OXR1: variants seen among roughly 807,000 people sequenced by gnomAD.
OXR1 encodes the protein oxidation resistance protein 1.
In OXR1, 41 loss-of-function variants were observed where a neutral mutation model predicts 104.6. That is an observed-to-expected ratio of 0.39 (90% CI 0.31 to 0.51). The LOEUF (loss-of-function observed/expected upper bound fraction) is 0.51, where lower values mean the gene tolerates loss of function less well. Among genes scored for constraint, OXR1 ranks in the 20% least tolerant of loss-of-function variants. The probability of loss-of-function intolerance (pLI) is 0.77; values close to 1 mark genes in which losing one functional copy is unlikely to be tolerated. For missense variants in OXR1, 955 were observed against 1,031.9 expected, an observed-to-expected ratio of 0.93 and a Z score of 1.02; for synonymous variants, 348 against 348.4, an observed-to-expected ratio of 1.00 and a Z score of 0.01.
intron 2 of OXR1, among the ~76,000 whole-genome samples, chr8:106,482,843 G>T (rs949741133): frequency 6.9e-6 from 1 of 145,962 alleles, no homozygotes; most frequent in East Asian, 2.0e-4. Flanking sequence ...ATGTCATGAT[G>T]TGTAAAAATT....
intron 3 of OXR1, among the ~76,000 whole-genome samples, chr8:106,636,763 G>A (rs1823176968): frequency 6.6e-6 from 1 of 152,156 alleles, no homozygotes; most frequent in Non-Finnish European, 1.5e-5. Flanking sequence ...GGATAGTGAA[G>A]GGAATTTTGG....
chr8:106,475,357 G>T (rs918305556), intron 2 of OXR1, among the ~76,000 whole-genome samples: 1 of 151,902 alleles, frequency 6.6e-6, no homozygotes, highest in African/African-American at 2.4e-5. Flanking sequence ...TATTTATTAA[G>T]TGGAAGTGGA....
chr8:106,687,038 G>A (rs1381749792), intron 6 of OXR1, among the ~76,000 whole-genome samples: 1 of 152,134 alleles, frequency 6.6e-6, no homozygotes, highest in Non-Finnish European at 1.5e-5. Context: ...GGGTTTCTGT[G>A]TTTGTCCCTC....
intron 2 of OXR1, among the ~76,000 whole-genome samples, chr8:106,483,489 A>G (rs2510822): frequency 0.11 from 16,362 of 151,920 alleles, 956 homozygotes; most frequent in African/African-American, 0.15. Context: ...TTGAGCCTAG[A>G]AGTTTGAGGC....
chr8:106,530,177 G>T (rs1238322876), intron 3 of OXR1, among the ~76,000 whole-genome samples: 2 of 152,180 alleles, frequency 1.3e-5, no homozygotes, highest in Non-Finnish European at 2.9e-5. Context: ...TTTTTTAGGA[G>T]TATGAATTTA....
intron 1 of OXR1, among the ~76,000 whole-genome samples, chr8:106,323,786 A>C (rs1814333972): frequency 6.6e-6 from 1 of 152,234 alleles, no homozygotes; most frequent in Non-Finnish European, 1.5e-5. Flanking sequence ...CCATTAGAGA[A>C]ATGCAAATCA....
chr8:106,348,651 A>G (rs1815598298), intron 1 of OXR1, among the ~76,000 whole-genome samples: 1 of 152,220 alleles, frequency 6.6e-6, no homozygotes, highest in East Asian at 1.9e-4. Flanking sequence ...TGGTTTTGAG[A>G]TATTGTACTT....
At chr8:106,339,170 A>G (rs569627028) in intron 1 of OXR1, among the ~76,000 whole-genome samples, 1 of 152,066 alleles carries the variant, frequency 6.6e-6, no homozygotes, top group South Asian at 2.1e-4. Flanking sequence ...TCATTCCCTA[A>G]TTGCATGTAT....
At chr8:106,574,372 C>T (rs1817680990) in intron 3 of OXR1, among the ~76,000 whole-genome samples, 1 of 152,142 alleles carries the variant, frequency 6.6e-6, no homozygotes. Flanking sequence ...CTCTCCCACT[C>T]CAACATCTGC....
chr8:106,310,765 G>A (rs1813667731), intron 1 of OXR1, among the ~76,000 whole-genome samples: 1 of 152,200 alleles, frequency 6.6e-6, no homozygotes, highest in South Asian at 2.1e-4. Context: ...ATTGAGAGGT[G>A]TGATGCTATT....
chr8:106,353,893 A>G (rs943265013), intron 1 of OXR1, among the ~76,000 whole-genome samples: 11 of 151,966 alleles, frequency 7.2e-5, no homozygotes, highest in African/African-American at 7.2e-5. Flanking sequence ...ACATCTTCCC[A>G]CTACCTCCAG....
intron 1 of OXR1, among the ~76,000 whole-genome samples, chr8:106,327,697 AG>A (rs984013160): frequency 3.3e-5 from 5 of 152,172 alleles, no homozygotes; most frequent in African/African-American, 4.8e-5. Context: ...TCTTTATAAA[AG>A]TTTCTTCTTA....
At chr8:106,714,497 G>GA (rs1289756245) in intron 11 of OXR1, among the ~76,000 whole-genome samples, 1 of 151,956 alleles carries the variant, frequency 6.6e-6, no homozygotes, top group East Asian at 1.9e-4. Context: ...TAATTTTAAG[G>GA]AAATAAGCAG....
intron 3 of OXR1, among the ~76,000 whole-genome samples, chr8:106,629,675 C>T (rs1001891588): frequency 6.6e-6 from 1 of 152,094 alleles, no homozygotes; most frequent in Non-Finnish European, 1.5e-5. Context: ...TTACATTATA[C>T]CTTTAAATAC....
chr8:106,341,654 A>G (rs1005491686), intron 1 of OXR1, among the ~76,000 whole-genome samples: 2 of 152,066 alleles, frequency 1.3e-5, no homozygotes, highest in Admixed American at 6.5e-5. Context: ...CTATTCTTCT[A>G]TCCACCTGAC....
chr8:106,342,071 T>G (rs1402257420), intron 1 of OXR1, among the ~76,000 whole-genome samples: 1 of 150,854 alleles, frequency 6.6e-6, no homozygotes, highest in Admixed American at 6.6e-5. Flanking sequence ...TTTTTTTTGT[T>G]GTAGAGATGG....
chr8:106,528,864 A>C lies in OXR1; in HGVS notation c.220+9725A>C, dbSNP rs374329541. ...ATTTAATCAACAGAACTATCTTGGC[A>C]TGCAGGTCACTGTCTATAAGCACAG... On this transcript the variant is annotated intron_variant, in intron 3 of 16. Coordinates refer to ENST00000517566, the MANE Select transcript of OXR1 (RefSeq NM_001198533.2). 3.3e-5 allele frequency among the ~76,000 whole-genome samples: 5 copies of C among 152,348 alleles called. No individual in the cohort carries two copies. In the East Asian group the frequency reaches 9.6e-4, roughly 29 times the overall value.
intron 3 of OXR1, among the ~76,000 whole-genome samples, chr8:106,527,970 C>T (rs1410600074): frequency 6.6e-6 from 1 of 152,094 alleles, no homozygotes; most frequent in South Asian, 2.1e-4. Flanking sequence ...GAGTGGTTCC[C>T]CAAGTGCTAG....
intron 1 of OXR1, among the ~76,000 whole-genome samples, chr8:106,344,349 G>GT (rs1032294154): frequency 2.0e-5 from 3 of 151,186 alleles, no homozygotes; most frequent in African/African-American, 4.8e-5. Flanking sequence ...GTTTTGTTTT[G>GT]TTTTTTGAGA....
Sources: allele counts gnomAD v4.1 joint callset (sites outside exome capture counted in the v4.1 genomes callset), GRCh38; gene constraint gnomAD v4.1.1; transcripts MANE v1.5; gene names NCBI Gene and HGNC (gene_info 2026-07-23, HGNC 2026-07-21).